AUTS2: variants seen among roughly 807,000 people sequenced by gnomAD.
The protein encoded by AUTS2 is autism susceptibility gene 2 protein.
A neutral mutation model predicts 112.4 loss-of-function variants in AUTS2; 17 were observed. The observed-to-expected ratio is 0.15, with a 90% CI of 0.10 to 0.23. The LOEUF (loss-of-function observed/expected upper bound fraction) is 0.23. AUTS2 is among the 10% of genes least tolerant of loss of function. AUTS2 has a pLI of 1.00. For missense variants in AUTS2, 1,510 were observed against 1,701.6 expected (o/e 0.89, Z 1.98); for synonymous variants, 751 against 702.7 (o/e 1.07, Z -1.09).
In AUTS2 at chr7:70,045,303, G is replaced by A. The variant is rs529461375; in HGVS notation, c.523-72829G>A. Among the ~76,000 whole-genome samples, 18 of 152,250 alleles carry A rather than the reference G, an allele frequency of 1.2e-4. 2 individuals carry two copies. Among genetic ancestry groups the A allele is most frequent in the Middle Eastern group, 6.8e-3 (2 of 294 alleles). On this transcript the variant is annotated intron_variant, in intron 2 of 18. Transcript: ENST00000342771. ...TTGTAGACACTAGCCACATGCAACT[G>A]TTGCGCATTTGAAATATGACCAGTT...
intron 4 of AUTS2, among the ~76,000 whole-genome samples, chr7:70,331,421 A>C (rs1470051706): frequency 1.3e-5 from 2 of 151,728 alleles, no homozygotes; most frequent in Admixed American, 1.3e-4. Flanking sequence ...TATTGTGTCC[A>C]TTTAATTCTT....
At chr7:69,990,503 A>G (rs1386898926) in intron 2 of AUTS2, among the ~76,000 whole-genome samples, 1 of 152,178 alleles carries the variant, frequency 6.6e-6, no homozygotes, top group East Asian at 1.9e-4. Context: ...CAAAATGACT[A>G]CTAAGAGGTG....
intron 2 of AUTS2, among the ~76,000 whole-genome samples, chr7:69,982,949 G>A (rs566564308): frequency 2.0e-5 from 3 of 152,304 alleles, no homozygotes; most frequent in Non-Finnish European, 4.4e-5. Flanking sequence ...GAGCCATTTA[G>A]TTCAATCCCA....
intron 5 of AUTS2, among the ~76,000 whole-genome samples, chr7:70,636,701 C>T (rs866441559): frequency 6.7e-6 from 1 of 149,938 alleles, no homozygotes; most frequent in African/African-American, 2.5e-5. Flanking sequence ...GGCTGGAGTG[C>T]AGTTGTGTGA....
chr7:70,121,937 T>C (rs1464632657), intron 3 of AUTS2, among the ~76,000 whole-genome samples: 2 of 152,216 alleles, frequency 1.3e-5, no homozygotes, highest in African/African-American at 4.8e-5. Flanking sequence ...CCCATGTGTT[T>C]CTCAACAAAT....
intron 18 of AUTS2, among the ~76,000 whole-genome samples, chr7:70,789,057 C>T (rs940789789): frequency 1.3e-5 from 2 of 152,224 alleles, no homozygotes; most frequent in African/African-American, 2.4e-5. Flanking sequence ...ACCTGCTTTT[C>T]CTACTGCCTT....
intron 4 of AUTS2, among the ~76,000 whole-genome samples, chr7:70,312,797 C>T (rs767053411): frequency 1.5e-4 from 23 of 152,310 alleles, no homozygotes; most frequent in Non-Finnish European, 2.5e-4. Flanking sequence ...ACAAGTCACA[C>T]GGGGCTGAAG....
At chr7:70,623,508 C>T (rs1017806432) in intron 5 of AUTS2, among the ~76,000 whole-genome samples, 1 of 152,200 alleles carries the variant, frequency 6.6e-6, no homozygotes, top group Non-Finnish European at 1.5e-5. Flanking sequence ...ATCAGTTCCT[C>T]AGTGACACAC....
At chr7:70,028,002 T>C (rs965568497) in intron 2 of AUTS2, among the ~76,000 whole-genome samples, 5 of 152,210 alleles carry the variant, frequency 3.3e-5, no homozygotes, top group African/African-American at 1.2e-4. Context: ...GGCTTGATCT[T>C]GATGAGGTGA....
At chr7:70,514,356 C>T (rs771455877) in intron 5 of AUTS2, among the ~76,000 whole-genome samples, 4 of 152,178 alleles carry the variant, frequency 2.6e-5, no homozygotes, top group Non-Finnish European at 5.9e-5. Flanking sequence ...GTTTATTCGG[C>T]TTATGGTTCT....
At chr7:70,160,746 T>C (rs1477922697) in intron 4 of AUTS2, among the ~76,000 whole-genome samples, 4 of 152,218 alleles carry the variant, frequency 2.6e-5, no homozygotes, top group African/African-American at 9.6e-5. Flanking sequence ...CACTGGTGAA[T>C]TGAAGAATAA....
chr7:69,703,390 A>G (rs1001729612), intron 1 of AUTS2, among the ~76,000 whole-genome samples: 4 of 152,138 alleles, frequency 2.6e-5, no homozygotes, highest in African/African-American at 9.7e-5. Flanking sequence ...CTCCTTTTGG[A>G]TCTCCTCACA....
intron 2 of AUTS2, among the ~76,000 whole-genome samples, chr7:70,060,863 G>A (rs1305840869): frequency 6.6e-6 from 1 of 152,194 alleles, no homozygotes; most frequent in Non-Finnish European, 1.5e-5. Context: ...CTCCCTGACT[G>A]AGGTAGGTAT....
At chr7:69,994,527 G>C (rs1453132261) in intron 2 of AUTS2, among the ~76,000 whole-genome samples, 1 of 152,114 alleles carries the variant, frequency 6.6e-6, no homozygotes, top group East Asian at 1.9e-4. Flanking sequence ...CATGTTGTCT[G>C]TGTGAATATG....
chr7:70,750,640 G>A (rs952169138), intron 6 of AUTS2, among the ~76,000 whole-genome samples: 1 of 152,216 alleles, frequency 6.6e-6, no homozygotes, highest in Non-Finnish European at 1.5e-5. Flanking sequence ...GGGCTCAAGT[G>A]ATCCGCCCAC....
intron 1 of AUTS2, among the ~76,000 whole-genome samples, chr7:69,816,367 A>G (rs1361237855): frequency 6.6e-6 from 1 of 152,196 alleles, no homozygotes; most frequent in Non-Finnish European, 1.5e-5. Flanking sequence ...TGTTAAACTC[A>G]GTTATTCTGG....
intron 4 of AUTS2, among the ~76,000 whole-genome samples, chr7:70,173,571 G>A (rs1459290627): frequency 6.6e-6 from 1 of 152,000 alleles, no homozygotes; most frequent in Non-Finnish European, 1.5e-5. Flanking sequence ...TCTAATATGA[G>A]CATACATTGC....
At chr7:70,607,841 A>C (rs1273554186) in intron 5 of AUTS2, among the ~76,000 whole-genome samples, 1 of 152,234 alleles carries the variant, frequency 6.6e-6, no homozygotes, top group African/African-American at 2.4e-5. Context: ...AAATTGTAGA[A>C]GGTCTTCTAC....
At chr7:69,953,189 G>T (rs574918903) in intron 2 of AUTS2, among the ~76,000 whole-genome samples, 2 of 152,238 alleles carry the variant, frequency 1.3e-5, no homozygotes, top group South Asian at 4.1e-4. Flanking sequence ...CTGGAGAATG[G>T]TGGGGTGTGA....
Sources: gnomAD v4.1 joint callset for allele counts (sites outside exome capture counted in the v4.1 genomes callset) on GRCh38, gnomAD v4.1.1 for gene constraint, MANE v1.5 for transcripts, NCBI Gene and HGNC (gene_info 2026-07-23, HGNC 2026-07-21) for gene names.